The following ATG2B variants were observed in gnomAD, a reference collection of about 807,000 sequenced individuals.
ATG2B encodes the protein autophagy-related protein 2 homolog B.
ATG2B carries 121 observed loss-of-function variants against 241.3 expected under a neutral mutation model. That is an observed-to-expected ratio of 0.50 (90% CI 0.43 to 0.58). The LOEUF (loss-of-function observed/expected upper bound fraction) is 0.58, where lower values mean the gene tolerates loss of function less well. ATG2B is among the 20% of genes least tolerant of loss of function. The pLI is 0.00. For missense variants in ATG2B, 2,306 were observed against 2,491.6 expected (o/e 0.93, Z 1.59); for synonymous variants, 858 against 876.6 (o/e 0.98, Z 0.37).
At chr14:96,309,390 A>G in intron 29 of ATG2B, 63 bp downstream of exon 29, 3 of 1,523,576 alleles carry the variant, frequency 2.0e-6, no homozygotes, top group Non-Finnish European at 2.7e-6. Context: ...AATTTACGAG[A>G]ACACAAATAA....
At chr14:96,331,868 GC>G (rs1197918444) in intron 10 of ATG2B, among the ~76,000 whole-genome samples, 5 of 151,990 alleles carry the variant, frequency 3.3e-5, no homozygotes, top group Non-Finnish European at 7.4e-5. Flanking sequence ...TACAAACCAA[GC>G]TTTTATATTA....
At chr14:96,339,953 A>G (rs1887967354) in intron 6 of ATG2B, among the ~76,000 whole-genome samples, 1 of 151,172 alleles carries the variant, frequency 6.6e-6, no homozygotes, top group South Asian at 2.1e-4. Context: ...AATTCCACAT[A>G]AGGTATATAC....
At chr14:96,315,060 C>G in intron 23 of ATG2B, 94 bp downstream of exon 23, 1 of 861,084 alleles carries the variant, frequency 1.2e-6, no homozygotes, top group Non-Finnish European at 1.9e-6. Context: ...ATTCACTGAG[C>G]TGAACATTTA....
At position 96,313,065 on chromosome 14, in the gene ATG2B, C is replaced by T; in HGVS notation, c.3842G>A (p.Arg1281Lys). The change falls in exon 25 of 42, where the codon AGA (arginine) becomes AAA (lysine). Residue 1281 changes from arginine (R) to lysine (K), a missense_variant and splice_region_variant. Transcript: ENST00000359933. The stretch of plus-strand genomic sequence containing the variant: ...TATACAATGAAGTTTACACAGGTAC[C>T]TGAGAGTAGAGGAAGATTTATCCAA... The part of the protein sequence containing the change: ...VALDKSSSTL[R>K]IILDEAALHL... The T allele has an allele frequency of 6.3e-7, 1 of 1,594,382 alleles. No homozygotes were observed. Among genetic ancestry groups the T allele is most frequent in the Non-Finnish European group, 8.6e-7 (1 of 1,162,410 alleles).
intron 1 of ATG2B, among the ~76,000 whole-genome samples, chr14:96,351,429 C>T (rs978808228): frequency 6.6e-6 from 1 of 152,078 alleles, no homozygotes; most frequent in African/African-American, 2.4e-5. Context: ...TGGTGAAACT[C>T]GTCTCTACAA....
chr14:96,312,661 G>T (rs1887193239), intron 25 of ATG2B, among the ~76,000 whole-genome samples: 1 of 152,068 alleles, frequency 6.6e-6, no homozygotes. Context: ...GAGGGCAAAA[G>T]ATCACTTGGG....
At chr14:96,309,772 C>A (rs1468671014) in intron 28 of ATG2B, among the ~76,000 whole-genome samples, 178 bp from the exon 29 acceptor site, 1 of 152,186 alleles carries the variant, frequency 6.6e-6, no homozygotes, top group African/African-American at 2.4e-5. Flanking sequence ...ATCACCCTAA[C>A]AAATACTGGC....
At position 96,289,112 on chromosome 14, in the gene ATG2B, G is replaced by A. The variant is rs2139834699; in HGVS notation, c.6006+544C>T. Among the ~76,000 whole-genome samples the A allele has an allele frequency of 6.6e-6, 1 of 152,256 alleles. No homozygotes were observed. The highest frequency in any genetic ancestry group is 2.1e-4 in the South Asian group (1 of 4,824). On this transcript the variant is annotated intron_variant, in intron 41 of 41. Coordinates refer to ENST00000359933, the MANE Select transcript of ATG2B (RefSeq NM_018036.7). The surrounding 1 kb of genome is among the most constrained non-coding windows in gnomAD (Gnocchi z 4.3). ...TTAACATGGATCTATCTTGAAATAA[G>A]TTGCAGAATGAGACACATAACACCA...
At chr14:96,342,563 A>C (rs1228840377) in intron 5 of ATG2B, among the ~76,000 whole-genome samples, 1 of 151,984 alleles carries the variant, frequency 6.6e-6, no homozygotes, top group African/African-American at 2.4e-5. Context: ...CTCTACTAAA[A>C]ATACAAAAAT....
intron 14 of ATG2B, among the ~76,000 whole-genome samples, chr14:96,327,111 A>C (rs1436449899): frequency 1.3e-5 from 2 of 152,100 alleles, no homozygotes; most frequent in Non-Finnish European, 2.9e-5. Context: ...TGGCACATGC[A>C]TGTAGCCCCA....
intron 34 of ATG2B, among the ~76,000 whole-genome samples, chr14:96,299,765 C>G (rs951953944): frequency 6.6e-6 from 1 of 152,308 alleles, no homozygotes; most frequent in South Asian, 2.1e-4. Context: ...AATGGCAATG[C>G]AGCTTTTTCA....
At chr14:96,318,002 C>A (rs1469860548) in intron 18 of ATG2B, 147 bp from the exon 19 acceptor site, 1 of 573,282 alleles carries the variant, frequency 1.7e-6, no homozygotes, top group South Asian at 3.2e-5. Context: ...TTTGGAAAAA[C>A]AACAAAAATA....
chr14:96,314,020 A>G (rs1375395577), intron 23 of ATG2B, among the ~76,000 whole-genome samples: 1 of 152,214 alleles, frequency 6.6e-6, no homozygotes, highest in African/African-American at 2.4e-5. Flanking sequence ...AGCTCAGTCT[A>G]AAAACCAGTC....
intron 1 of ATG2B, among the ~76,000 whole-genome samples, chr14:96,361,414 T>C (rs553723705): frequency 3.9e-5 from 6 of 152,222 alleles, no homozygotes; most frequent in Non-Finnish European, 7.3e-5. Context: ...GCCCACCTTA[T>C]AGGGTTAAAG....
rs1329146101 is a variant in ATG2B, at chr14:96,345,269, CA to C, written c.441del (p.Phe147LeufsTer15). 6.2e-7 allele frequency: 1 copy of C among 1,612,772 alleles called. No individual in the cohort carries two copies. The highest frequency in any genetic ancestry group is 1.7e-5 in the Admixed American group (1 of 59,770). On this transcript the variant is annotated frameshift_variant, in exon 3 of 42. Transcript: ENST00000359933. LOFTEE classifies it high-confidence loss of function. ...GTTTCAGCAAACTTTTCAAGTCCTT[CA>C]AAAGGCTGGGATCCTTCTCCTTGTT... ...TDEQGEGSQP[F>X]EGLEKFAETI...
intron 4 of ATG2B, among the ~76,000 whole-genome samples, chr14:96,344,284 T>C (rs1055198318): frequency 6.6e-6 from 1 of 152,196 alleles, no homozygotes; most frequent in Non-Finnish European, 1.5e-5. Context: ...AAAACAAAAA[T>C]GTCTTTCACG....
In ATG2B at chr14:96,289,766, T is replaced by G; in HGVS notation, c.5896A>C (p.Thr1966Pro). ...GTCTTCTTGGGCTCGATAGAAAGGG[T>G]ACCAGGAGACACCATATCATAAGCA... ...ETAYDMVSPG[T>P]LSIEPKKTKR... Residue 1966 changes from threonine (T) to proline (P), a missense_variant, in exon 41 of 42, where the codon ACC becomes CCC. This residue lies in a region of ATG2B where 379 missense variants were observed against 480.4 expected (regional missense o/e 0.79). Coordinates refer to ENST00000359933, the MANE Select transcript of ATG2B (RefSeq NM_018036.7). The surrounding 1 kb of genome is among the most constrained non-coding windows in gnomAD (Gnocchi z 4.3). 6.2e-7 allele frequency: 1 copy of G among 1,614,066 alleles called. No individual in the cohort carries two copies. Among genetic ancestry groups the G allele is most frequent in the South Asian group, 1.1e-5 (1 of 91,078 alleles).
At chr14:96,357,863 A>C (rs1209287416) in intron 1 of ATG2B, among the ~76,000 whole-genome samples, 1 of 152,190 alleles carries the variant, frequency 6.6e-6, no homozygotes, top group Non-Finnish European at 1.5e-5. Flanking sequence ...CTATTACTTC[A>C]TACCTCATAT....
At chr14:96,343,064 T>G in intron 5 of ATG2B, 55 bp downstream of exon 5, 1 of 1,403,782 alleles carries the variant, frequency 7.1e-7, no homozygotes, top group South Asian at 1.7e-5. Flanking sequence ...TAGCCCCCAT[T>G]TAAACCTTTT....
Sources: allele counts gnomAD v4.1 joint callset (sites outside exome capture counted in the v4.1 genomes callset), GRCh38; gene constraint gnomAD v4.1.1; regional missense constraint gnomAD v4.1.1; non-coding constraint Gnocchi (gnomAD v3.1); transcripts MANE v1.5; gene names NCBI Gene and HGNC (gene_info 2026-07-23, HGNC 2026-07-21).